The following CDKAL1 variants were observed in gnomAD, a reference collection of about 807,000 sequenced individuals.
The protein encoded by CDKAL1 is CDKAL1 threonylcarbamoyladenosine tRNA methylthiotransferase, also known as threonylcarbamoyladenosine tRNA methylthiotransferase.
Under a neutral mutation model 68.2 loss-of-function variants are expected in CDKAL1, and 32 were observed. The observed-to-expected ratio is 0.47, with a 90% CI of 0.35 to 0.63. The LOEUF (loss-of-function observed/expected upper bound fraction) is 0.63. Among genes scored for constraint, CDKAL1 ranks in the 30% least tolerant of loss-of-function variants. The pLI, the probability that CDKAL1 is intolerant of heterozygous loss-of-function variation, is 0.00. For missense variants in CDKAL1, 606 were observed against 696.7 expected, an observed-to-expected ratio of 0.87 and a Z score of 1.47; for synonymous variants, 234 against 244.3, an observed-to-expected ratio of 0.96 and a Z score of 0.39.
intron 5 of CDKAL1, among the ~76,000 whole-genome samples, chr6:20,678,033 G>A (rs1046969035): frequency 1.0e-4 from 15 of 149,886 alleles, no homozygotes; most frequent in Middle Eastern, 3.5e-3. Flanking sequence ...TGAAAAGAAG[G>A]TGTATTCTCT....
Position 20,758,578 on chromosome 6 carries a change from T to A in CDKAL1, c.469-17T>A, listed in dbSNP as rs779889672. On this transcript the variant is annotated splice_polypyrimidine_tract_variant and intron_variant, in intron 6 of 15. Coordinates refer to ENST00000274695, the MANE Select transcript of CDKAL1 (RefSeq NM_017774.3). ...TTCGTGTAAATTACTTGTGTAATCG[T>A]TTTTTTTTTTTTCCAGGTTCAGCAG... 1.2e-5 allele frequency: 7 copies of A among 579,308 alleles called. No homozygotes were observed. In the South Asian group the frequency reaches 3.0e-4, roughly 25 times the overall value. The allele number at this position is 579,308 out of a possible 1,614,324, so 35.9% of individuals were successfully genotyped here.
At chr6:20,786,720 A>C (rs1487147859) in intron 8 of CDKAL1, among the ~76,000 whole-genome samples, 1 of 151,854 alleles carries the variant, frequency 6.6e-6, no homozygotes, top group Non-Finnish European at 1.5e-5. Context: ...GATGGTCTCG[A>C]TCTCCTGACC....
intron 11 of CDKAL1, among the ~76,000 whole-genome samples, chr6:21,046,810 A>G (rs1431657577): frequency 6.6e-6 from 1 of 152,234 alleles, no homozygotes; most frequent in Non-Finnish European, 1.5e-5. Context: ...TGTCGAGAAC[A>G]TATCATCCAG....
intron 13 of CDKAL1, among the ~76,000 whole-genome samples, chr6:21,160,391 G>A (rs879911297): frequency 5.6e-4 from 85 of 151,372 alleles, no homozygotes; most frequent in African/African-American, 7.8e-4. Context: ...TCTGCCTCCC[G>A]GGTTCAAGTG....
chr6:20,732,024 CT>C (rs1207478217), intron 5 of CDKAL1, among the ~76,000 whole-genome samples: 1 of 151,400 alleles, frequency 6.6e-6, no homozygotes, highest in Non-Finnish European at 1.5e-5. Flanking sequence ...CATCTTCTCT[CT>C]TTTTTTAAAC....
intron 13 of CDKAL1, among the ~76,000 whole-genome samples, chr6:21,125,710 T>C (rs558538205): frequency 6.6e-6 from 1 of 152,206 alleles, no homozygotes; most frequent in East Asian, 1.9e-4. Context: ...AAAAAACCTC[T>C]TTATAAATTA....
At chr6:21,211,674 G>GA (rs1171607595) in intron 15 of CDKAL1, among the ~76,000 whole-genome samples, 2 of 152,192 alleles carry the variant, frequency 1.3e-5, no homozygotes, top group African/African-American at 4.8e-5. Flanking sequence ...CAAGAGTCTA[G>GA]AAAATACCTA....
At chr6:20,863,295 C>A (rs1419529802) in intron 9 of CDKAL1, among the ~76,000 whole-genome samples, 1 of 152,082 alleles carries the variant, frequency 6.6e-6, no homozygotes, top group Non-Finnish European at 1.5e-5. Flanking sequence ...TCATTCTGCA[C>A]CACATAATTG....
chr6:20,728,355 G>C (rs1017927398), intron 5 of CDKAL1, among the ~76,000 whole-genome samples: 2 of 152,032 alleles, frequency 1.3e-5, no homozygotes, highest in Non-Finnish European at 2.9e-5. Flanking sequence ...GATTTTCATC[G>C]TTTACTCCAG....
chr6:21,181,670 G>A (rs1300878650), intron 13 of CDKAL1, among the ~76,000 whole-genome samples: 2 of 152,182 alleles, frequency 1.3e-5, no homozygotes, highest in Admixed American at 1.3e-4. Flanking sequence ...TTTACATGTT[G>A]ATGTTAAAGA....
chr6:20,780,670 CTTT>C (rs1223553462), intron 7 of CDKAL1, among the ~76,000 whole-genome samples: 4 of 38,176 alleles, frequency 1.0e-4, no homozygotes, highest in Non-Finnish European at 2.0e-4. Context: ...ATTTCTTTTT[CTTT>C]TTTTTTTTTT....
Position 20,609,303 on chromosome 6 carries a change from C to CTT in CDKAL1, c.287-39990_287-39989insTT, listed in dbSNP as rs1561963106. The stretch of plus-strand genomic sequence containing the variant: ...TCCTTCTCCTTCTTCTCCTTCTCCT[C>CTT]CTCCTCCTCCCCCCTCCTCTCTCCC... On this transcript the variant is annotated intron_variant, in intron 4 of 15. Coordinates refer to ENST00000274695, the MANE Select transcript of CDKAL1 (RefSeq NM_017774.3). Among the ~76,000 whole-genome samples, 13 of 27,824 alleles carry CTT rather than the reference C, an allele frequency of 4.7e-4. No individual in the cohort carries two copies. The Admixed American group carries it at 4.7e-3, about 10-fold the overall frequency. 18.3% of individuals were successfully genotyped at this position (27,824 alleles called of 152,430 possible). A position where few individuals can be genotyped will look rare whatever the true frequency, so the allele number is the denominator to read the frequency against.
At chr6:20,904,782 T>A in intron 9 of CDKAL1, among the ~76,000 whole-genome samples, 1 of 129,416 alleles carries the variant, frequency 7.7e-6, no homozygotes, top group African/African-American at 3.1e-5. Flanking sequence ...AGAGCAAAAC[T>A]CCATCTCAAG....
At chr6:20,880,987 C>T (rs1257455044) in intron 9 of CDKAL1, among the ~76,000 whole-genome samples, 1 of 152,166 alleles carries the variant, frequency 6.6e-6, no homozygotes, top group Non-Finnish European at 1.5e-5. Flanking sequence ...ACAAACCCAC[C>T]AACTCTGTTA....
intron 5 of CDKAL1, among the ~76,000 whole-genome samples, chr6:20,701,471 A>G (rs928523725): frequency 1.3e-5 from 2 of 152,080 alleles, no homozygotes; most frequent in African/African-American, 4.8e-5. Flanking sequence ...TTTCATGTCT[A>G]TTACCTTCCT....
Position 20,770,443 on chromosome 6 carries a change from A to G in CDKAL1, c.518-10702A>G, listed in dbSNP as rs148048575. Among the ~76,000 whole-genome samples, 30 of 152,326 alleles carry G rather than the reference A, an allele frequency of 2.0e-4. No homozygotes were observed. The East Asian group carries it at 4.8e-3, about 24-fold the overall frequency. On this transcript the variant is annotated intron_variant, in intron 7 of 15. Coordinates refer to ENST00000274695, the MANE Select transcript of CDKAL1 (RefSeq NM_017774.3). Reference sequence around the variant, plus strand: ...AAAAATCCTGCGATGTTTTTTAAGGATATGTCTTAAATCTTGTATTCTCAA... The same window carrying G: ...AAAAATCCTGCGATGTTTTTTAAGGGTATGTCTTAAATCTTGTATTCTCAA...
At chr6:20,741,624 A>C (rs1038131126) in intron 6 of CDKAL1, among the ~76,000 whole-genome samples, 1 of 151,460 alleles carries the variant, frequency 6.6e-6, no homozygotes, top group African/African-American at 2.4e-5. Flanking sequence ...CTCCATCCAT[A>C]GTCCTACAAA....
In CDKAL1 at chr6:20,989,020, A is replaced by T. The variant is rs77672297; in HGVS notation, c.910-11207A>T. On this transcript the variant is annotated intron_variant, in intron 10 of 15. Transcript: ENST00000274695. The stretch of plus-strand genomic sequence containing the variant: ...CGCGTGTCATTTCTGCCCACATTTC[A>T]TTGGCCATCCCAAGTCATATGGCTA... 3.3e-4 allele frequency among the ~76,000 whole-genome samples: 50 copies of T among 151,840 alleles called. No homozygotes were observed. In the East Asian group the frequency reaches 6.2e-3, roughly 19 times the overall value.
intron 4 of CDKAL1, among the ~76,000 whole-genome samples, chr6:20,643,042 G>A (rs1768263652): frequency 6.6e-6 from 1 of 152,164 alleles, no homozygotes; most frequent in African/African-American, 2.4e-5. Context: ...CTTTGGCATT[G>A]GCAATATTTA....
Sources: gnomAD v4.1 joint callset for allele counts (sites outside exome capture counted in the v4.1 genomes callset) on GRCh38, gnomAD v4.1.1 for gene constraint, MANE v1.5 for transcripts, NCBI Gene and HGNC (gene_info 2026-07-23, HGNC 2026-07-21) for gene names.